The following AKAP19 variants were observed in gnomAD, a reference collection of about 807,000 sequenced individuals.
AKAP19 encodes small A-kinase anchoring protein.
At chr2:189,998,205 G>A in the AKAP19 span, among the ~76,000 whole-genome samples, 1 of 152,100 alleles carries the variant, frequency 6.6e-6, no homozygotes. Context: ...AATTCTCTCA[G>A]TTTTCCTGGT....
chr2:190,104,186 T>C, the AKAP19 span, among the ~76,000 whole-genome samples: 1 of 152,066 alleles, frequency 6.6e-6, no homozygotes, highest in Non-Finnish European at 1.5e-5. Flanking sequence ...AAAAATTAAC[T>C]CAAGATAGAG....
chr2:190,065,723 T>C, the AKAP19 span, among the ~76,000 whole-genome samples: 1 of 152,208 alleles, frequency 6.6e-6, no homozygotes, highest in Non-Finnish European at 1.5e-5. Flanking sequence ...AATAGTTCAA[T>C]ATTTGCTAAC....
At chr2:190,057,579 A>C in the AKAP19 span, 1 of 1,613,462 alleles carries the variant, frequency 6.2e-7, no homozygotes, top group Non-Finnish European at 8.5e-7. Flanking sequence ...CACAGTCAAG[A>C]CCAAAATCCC....
chr2:189,985,247 C>A, the AKAP19 span, among the ~76,000 whole-genome samples: 2 of 152,170 alleles, frequency 1.3e-5, no homozygotes, highest in Non-Finnish European at 2.9e-5. Flanking sequence ...CCTCAGTTTT[C>A]CATACAGAGC....
chr2:189,999,348 G>C, the AKAP19 span, among the ~76,000 whole-genome samples: 30 of 152,090 alleles, frequency 2.0e-4, no homozygotes, highest in East Asian at 5.6e-3. Flanking sequence ...GGGTTATTTT[G>C]AAGTGGGTTG....
At chr2:189,933,131 T>G in the AKAP19 span, among the ~76,000 whole-genome samples, 9 of 152,202 alleles carry the variant, frequency 5.9e-5, no homozygotes, top group African/African-American at 1.9e-4. Flanking sequence ...AGCATTTAGT[T>G]ATTAATATTT....
At chr2:190,191,239 T>C in the AKAP19 span, among the ~76,000 whole-genome samples, 1 of 152,110 alleles carries the variant, frequency 6.6e-6, no homozygotes, top group African/African-American at 2.4e-5. Flanking sequence ...GCCTCCTGGA[T>C]TCAGGTGATT....
At chr2:189,951,999 A>T in the AKAP19 span, among the ~76,000 whole-genome samples, 1 of 152,188 alleles carries the variant, frequency 6.6e-6, no homozygotes, top group African/African-American at 2.4e-5. Context: ...CAAACTACAC[A>T]AACTGAAAAC....
the AKAP19 span, chr2:190,079,482 C>T: frequency 6.6e-6 from 1 of 152,226 alleles, no homozygotes; most frequent in East Asian, 1.9e-4. Context: ...CTTCACAAAA[C>T]TCTGTGAGTG....
the AKAP19 span, among the ~76,000 whole-genome samples, chr2:190,102,694 A>G: frequency 6.6e-6 from 1 of 151,278 alleles, no homozygotes; most frequent in Non-Finnish European, 1.5e-5. Context: ...CAGTAATAAT[A>G]AAAAAAAAGA....
At chr2:189,884,407 G>A in the AKAP19 span, among the ~76,000 whole-genome samples, 2 of 152,076 alleles carry the variant, frequency 1.3e-5, no homozygotes, top group South Asian at 2.1e-4. Flanking sequence ...TATGATACTC[G>A]TTATCTATTT....
the AKAP19 span, among the ~76,000 whole-genome samples, chr2:189,969,989 C>T: frequency 6.7e-6 from 1 of 150,006 alleles, no homozygotes; most frequent in Non-Finnish European, 1.5e-5. Context: ...TCTCCTACTT[C>T]AGCCTCCCAA....
chr2:190,071,953 C>A, the AKAP19 span, among the ~76,000 whole-genome samples: 1 of 151,966 alleles, frequency 6.6e-6, no homozygotes, highest in East Asian at 1.9e-4. Flanking sequence ...AGGAAACACT[C>A]CACAGAGAAG....
chr2:189,932,723 A>G, the AKAP19 span, among the ~76,000 whole-genome samples: 2 of 151,804 alleles, frequency 1.3e-5, no homozygotes, highest in South Asian at 2.1e-4. Context: ...AAAAAAAAAA[A>G]GAATCCATTA....
the AKAP19 span, among the ~76,000 whole-genome samples, chr2:189,880,720 T>A: frequency 6.6e-6 from 1 of 152,332 alleles, no homozygotes; most frequent in African/African-American, 2.4e-5. Context: ...CATAGTGAAT[T>A]GGGTCCCAAG....
At chr2:189,937,966 T>C in the AKAP19 span, among the ~76,000 whole-genome samples, 2 of 152,232 alleles carry the variant, frequency 1.3e-5, no homozygotes, top group African/African-American at 4.8e-5. Flanking sequence ...TTCCCATGTT[T>C]GTTGCAGCTC....
the AKAP19 span, among the ~76,000 whole-genome samples, chr2:190,035,215 C>A: frequency 6.6e-6 from 1 of 151,876 alleles, no homozygotes; most frequent in Non-Finnish European, 1.5e-5. Context: ...CCGAGGCAGA[C>A]AGATCAGGAG....
chr2:190,093,705 T>G, the AKAP19 span, among the ~76,000 whole-genome samples: 1 of 152,238 alleles, frequency 6.6e-6, no homozygotes, highest in Non-Finnish European at 1.5e-5. Context: ...ATCTCTTCGC[T>G]TTCATTCAGT....
At chr2:190,111,951 G>T in the AKAP19 span, among the ~76,000 whole-genome samples, 1 of 152,068 alleles carries the variant, frequency 6.6e-6, no homozygotes, top group Non-Finnish European at 1.5e-5. Context: ...AGGCTGGAGT[G>T]CAGTGGCACG....
Sources: gnomAD v4.1 joint callset for allele counts (sites outside exome capture counted in the v4.1 genomes callset) on GRCh38, gnomAD v4.1.1 for gene constraint, MANE v1.5 for transcripts, NCBI Gene and HGNC (gene_info 2026-07-23, HGNC 2026-07-21) for gene names.